Variants in PPP6R3 observed in about 807,000 individuals in gnomAD.
PPP6R3 encodes the protein serine/threonine-protein phosphatase 6 regulatory subunit 3.
A neutral mutation model predicts 110.7 loss-of-function variants in PPP6R3; 38 were observed. The observed-to-expected ratio is 0.34, with a 90% CI of 0.26 to 0.45. The LOEUF is 0.45. Ranked by LOEUF, PPP6R3 falls within the 20% of genes least tolerant of loss-of-function variation. The pLI is 1.00. For missense variants in PPP6R3, 870 were observed against 1,062.4 expected (o/e 0.82, Z 2.52); for synonymous variants, 369 against 373.5 (o/e 0.99, Z 0.14).
intron 1 of PPP6R3, among the ~76,000 whole-genome samples, chr11:68,508,055 T>A (rs1423290431): frequency 6.8e-6 from 1 of 147,810 alleles, no homozygotes; most frequent in Non-Finnish European, 1.5e-5. Context: ...AAAAAAAAAT[T>A]TATATGAGAG....
chr11:68,613,787 T>TTGA lies in PPP6R3; in HGVS notation c.*673_*675dup, dbSNP rs1944589930. The stretch of plus-strand genomic sequence containing the variant: ...TTATTGCTACATCATAGTTGATAAA[T>TTGA]TGATGTTATCGTAAAGCCATATGTT... On this transcript the variant is annotated 3_prime_UTR_variant, in exon 24 of 24. Coordinates refer to ENST00000393800, the MANE Select transcript of PPP6R3 (RefSeq NM_001164161.2). 1 of 982,422 alleles carries TTGA rather than the reference T, an allele frequency of 1.0e-6. No homozygotes were observed. Among genetic ancestry groups the TTGA allele is most frequent in the African/African-American group, 1.8e-5 (1 of 57,142 alleles). 60.9% of individuals were successfully genotyped at this position (982,422 alleles called of 1,614,324 possible). A position where few individuals can be genotyped will look rare whatever the true frequency, so the allele number is the denominator to read the frequency against.
At chr11:68,577,618 T>A (rs1046655238) in intron 14 of PPP6R3, among the ~76,000 whole-genome samples, 1 of 152,242 alleles carries the variant, frequency 6.6e-6, no homozygotes, top group Non-Finnish European at 1.5e-5. Context: ...AAGGACTTCA[T>A]TACAATTCAG....
At chr11:68,523,405 G>GGGT (rs1445402775) in intron 2 of PPP6R3, among the ~76,000 whole-genome samples, 5 of 152,200 alleles carry the variant, frequency 3.3e-5, no homozygotes, top group Admixed American at 2.0e-4. Flanking sequence ...AGAACATTCT[G>GGGT]CAGTAGCTGC....
At chr11:68,504,612 T>C (rs2099065874) in intron 1 of PPP6R3, among the ~76,000 whole-genome samples, 1 of 152,214 alleles carries the variant, frequency 6.6e-6, no homozygotes, top group Admixed American at 6.5e-5. Context: ...CCCGTTTTAC[T>C]TGGTTTGGCT....
chr11:68,588,063 A>C, intron 16 of PPP6R3, 39 bp downstream of exon 16: 9 of 1,527,406 alleles, frequency 5.9e-6, no homozygotes, highest in Non-Finnish European at 8.2e-6. Context: ...GCTCTTGCAC[A>C]CCCTTGCTCT....
At position 68,571,067 on chromosome 11, in the gene PPP6R3, C is replaced by A; in HGVS notation, c.1306C>A (p.Arg436=). Residue 436 remains arginine, a synonymous_variant, in exon 12 of 24, where the codon CGA becomes AGA. Transcript: ENST00000393800. Reference sequence around the variant, plus strand: ...TTTCCAAAAATGTCAATTAATAGAACGAATACTTGAAGCCTGGGAAATGAA... The same window carrying A: ...TTTCCAAAAATGTCAATTAATAGAAAGAATACTTGAAGCCTGGGAAATGAA... ...HLFQKCQLIE[R]ILEAWEMNEK... is the part of the protein sequence containing the mutation. 1.3e-6 allele frequency: 2 copies of A among 1,580,418 alleles called. No individual in the cohort carries two copies. Among genetic ancestry groups the A allele is most frequent in the Non-Finnish European group, 1.7e-6 (2 of 1,168,106 alleles).
intron 15 of PPP6R3, chr11:68,587,684 T>A: frequency 1.8e-6 from 1 of 565,500 alleles, no homozygotes; most frequent in Non-Finnish European, 3.2e-6. Context: ...GAGGACAGAG[T>A]GGTCACATAG....
intron 15 of PPP6R3, chr11:68,587,632 C>G: frequency 2.3e-6 from 1 of 441,108 alleles, no homozygotes; most frequent in South Asian, 2.1e-5. Flanking sequence ...TCACTTTAAA[C>G]TAGGCTTAAT....
At position 68,522,997 on chromosome 11, in the gene PPP6R3, C is replaced by T. The variant is rs2099171191; in HGVS notation, c.-7+3346C>T. Among the ~76,000 whole-genome samples, 3 of 152,202 alleles carry T rather than the reference C, an allele frequency of 2.0e-5. No homozygotes were observed. The South Asian group carries it at 6.2e-4, about 32-fold the overall frequency. On this transcript the variant is annotated intron_variant, in intron 2 of 23. Coordinates refer to ENST00000393800, the MANE Select transcript of PPP6R3 (RefSeq NM_001164161.2). ...ATCACATAGCTGTTTTCCCTTATTTCCACATTTCTAAATAATTTGCCTATA... is the reference window on the plus strand; with the variant it reads ...ATCACATAGCTGTTTTCCCTTATTTTCACATTTCTAAATAATTTGCCTATA...
chr11:68,558,814 C>A, intron 8 of PPP6R3, 135 bp downstream of exon 8: 1 of 650,730 alleles, frequency 1.5e-6, no homozygotes, highest in Non-Finnish European at 2.6e-6. Flanking sequence ...CTATATAAAC[C>A]ATAGCCTAAT....
chr11:68,578,389 A>G (rs2099540261), intron 14 of PPP6R3, among the ~76,000 whole-genome samples: 1 of 152,196 alleles, frequency 6.6e-6, no homozygotes, highest in Non-Finnish European at 1.5e-5. Flanking sequence ...CATGCTTGTC[A>G]CTGGAATTGG....
At chr11:68,550,759 A>G (rs1018798250) in intron 5 of PPP6R3, among the ~76,000 whole-genome samples, 3 of 152,212 alleles carry the variant, frequency 2.0e-5, no homozygotes, top group Non-Finnish European at 4.4e-5. Flanking sequence ...GTGCTCTTAC[A>G]GAAAATGTAT....
chr11:68,517,525 C>G (rs546220421), intron 1 of PPP6R3, among the ~76,000 whole-genome samples: 2 of 152,166 alleles, frequency 1.3e-5, no homozygotes, highest in Non-Finnish European at 1.5e-5. Context: ...AAGACAAATC[C>G]AGAACATGTT....
At chr11:68,537,145 A>G (rs2099275189) in intron 2 of PPP6R3, among the ~76,000 whole-genome samples, 1 of 152,178 alleles carries the variant, frequency 6.6e-6, no homozygotes, top group Admixed American at 6.5e-5. Context: ...CTCCTCAAGA[A>G]TTAGTTTTCA....
intron 3 of PPP6R3, among the ~76,000 whole-genome samples, chr11:68,540,334 G>A (rs141228342): frequency 6.6e-5 from 10 of 152,254 alleles, no homozygotes; most frequent in South Asian, 2.1e-4. Context: ...AGTAGGTTCC[G>A]TGATGCCCCA....
At chr11:68,517,109 CTTTT>C (rs780000483) in intron 1 of PPP6R3, among the ~76,000 whole-genome samples, 15 of 140,332 alleles carry the variant, frequency 1.1e-4, no homozygotes, top group Admixed American at 2.1e-4. Context: ...TTTGTTCTTT[CTTTT>C]TTTTTTTTTA....
chr11:68,602,438 A>G (rs908002787), intron 21 of PPP6R3, among the ~76,000 whole-genome samples: 1 of 152,102 alleles, frequency 6.6e-6, no homozygotes, highest in South Asian at 2.1e-4. Context: ...CTATTACTCT[A>G]CCTAGTCAAA....
At chr11:68,563,363 T>C (rs1269176643) in intron 8 of PPP6R3, among the ~76,000 whole-genome samples, 2 of 152,206 alleles carry the variant, frequency 1.3e-5, no homozygotes, top group Admixed American at 6.5e-5. Flanking sequence ...GCATCCTCTT[T>C]ACATTGCCTT....
intron 2 of PPP6R3, among the ~76,000 whole-genome samples, chr11:68,527,293 C>T (rs572344466): frequency 6.6e-5 from 10 of 152,212 alleles, no homozygotes; most frequent in African/African-American, 2.4e-4. Context: ...CCGGTGGGCC[C>T]CTCTTCATTA....
Sources: gnomAD v4.1 joint callset for allele counts (sites outside exome capture counted in the v4.1 genomes callset) on GRCh38, gnomAD v4.1.1 for gene constraint, MANE v1.5 for transcripts, NCBI Gene and HGNC (gene_info 2026-07-23, HGNC 2026-07-21) for gene names.